The following NMRK2 variants were observed in gnomAD, a reference collection of about 807,000 sequenced individuals.
NMRK2 encodes nicotinamide riboside kinase 2, also known as NRK 2.
Under a neutral mutation model 24.7 loss-of-function variants are expected in NMRK2, and 34 were observed. The observed-to-expected ratio is 1.37, with a 90% CI of 1.05 to 1.83. The LOEUF is 1.83. NMRK2 is among the 40% of genes most tolerant of loss of function. The pLI is 0.00. For synonymous variants in NMRK2, 145 were observed against 125.6 expected (o/e 1.15, Z -1.03); for missense variants, 341 against 315.0 (o/e 1.08, Z -0.62).
At position 3,933,620 on chromosome 19, in the gene NMRK2, C is replaced by T. The variant is rs1599157076; in HGVS notation, c.-52C>T. 2.6e-6 allele frequency: 4 copies of T among 1,516,002 alleles called. No homozygotes were observed. The highest frequency in any genetic ancestry group is 2.7e-5 in the East Asian group (1 of 36,894). 93.9% of individuals were successfully genotyped at this position (1,516,002 alleles called of 1,614,324 possible). On this transcript the variant is annotated 5_prime_UTR_variant, in exon 2 of 8. Coordinates refer to ENST00000168977, the MANE Select transcript of NMRK2 (RefSeq NM_170678.3). Reference sequence around the variant, plus strand: ...CACTCCGGAGCGCACTGCGTGGTCGCACCCTACCCGGGCTGCCTTGGAAGT... The same window carrying T: ...CACTCCGGAGCGCACTGCGTGGTCGTACCCTACCCGGGCTGCCTTGGAAGT...
Position 3,937,277 on chromosome 19 carries a change from A to G in NMRK2, c.155A>G (p.Lys52Arg). Residue 52 changes from lysine (K) to arginine (R), a missense_variant, in exon 4 of 8, where the codon AAA (lysine) becomes AGA (arginine). Transcript: ENST00000168977. The part of the protein sequence containing the change: ...DQIAVGEDGF[K>R]QWDVLESLDM... ...ATAGCAGTTGGGGAAGACGGCTTCA[A>G]ACAGTGGGACGGTAAGGACAAGCAT... 1.2e-6 allele frequency: 2 copies of G among 1,613,162 alleles called. No individual in the cohort carries two copies. The highest frequency in any genetic ancestry group is 8.5e-7 in the Non-Finnish European group (1 of 1,179,502).
chr19:3,939,038 G>A (rs1193770915), intron 5 of NMRK2, among the ~76,000 whole-genome samples: 3 of 151,540 alleles, frequency 2.0e-5, no homozygotes, highest in South Asian at 2.1e-4. Flanking sequence ...AGTAGAGACT[G>A]GGTTTCACCC....
chr19:3,935,860 C>T (rs1263969288), intron 2 of NMRK2, among the ~76,000 whole-genome samples: 1 of 151,972 alleles, frequency 6.6e-6, no homozygotes, highest in East Asian at 2.0e-4. Flanking sequence ...CATGAGCCAC[C>T]GTGCATGGCC....
rs759333229 is a variant in NMRK2, at chr19:3,942,068, C to T, written c.503-15C>T. 9.3e-6 allele frequency: 15 copies of T among 1,609,770 alleles called. No homozygotes were observed. The highest frequency in any genetic ancestry group is 3.3e-5 in the Admixed American group (2 of 59,910). ...CTTCCTCCCGGCAGCCCTGACGCAGCCTTTCTGATTTCAGTCTACCTGGAC... is the reference window on the plus strand; with the variant it reads ...CTTCCTCCCGGCAGCCCTGACGCAGTCTTTCTGATTTCAGTCTACCTGGAC... On this transcript the variant is annotated splice_polypyrimidine_tract_variant and intron_variant, in intron 7 of 7. Transcript: ENST00000168977.
At chr19:3,936,502 C>G in intron 2 of NMRK2, 73 bp from the exon 3 acceptor site, 3 of 1,102,798 alleles carry the variant, frequency 2.7e-6, no homozygotes, top group Non-Finnish European at 3.8e-6. Context: ...GGCTGCACCT[C>G]AGGCCCCCTT....
At chr19:3,939,050 A>G (rs1217330429) in intron 5 of NMRK2, among the ~76,000 whole-genome samples, 3 of 150,876 alleles carry the variant, frequency 2.0e-5, no homozygotes, top group East Asian at 4.0e-4. Context: ...GTTTCACCCT[A>G]TTGGACCAGG....
chr19:3,935,251 CTT>C (rs900517564), intron 2 of NMRK2, among the ~76,000 whole-genome samples: 262 of 105,612 alleles, frequency 2.5e-3, no homozygotes, highest in African/African-American at 8.2e-3. Context: ...TTCCGTCAGT[CTT>C]TTTTTTTTTT....
At chr19:3,938,822 GTTTTTT>G (rs1178177619) in intron 5 of NMRK2, 63 bp downstream of exon 5, 57 of 183,748 alleles carry the variant, frequency 3.1e-4, no homozygotes, top group Non-Finnish European at 3.2e-4. Context: ...GCCATCTCTT[GTTTTTT>G]TTTTTTTTTT....
rs762483675 is a variant in NMRK2 at position 3,942,167 on chromosome 19, A to G, written c.587A>G (p.Gln196Arg). ...DIQNSLLNRS[Q>R]ESAPSPARPA... ...CAGAACTCGCTGCTGAACCGCTCCC[A>G]GGAATCAGCCCCCTCCCCGGCTCGC... Residue 196 changes from glutamine (Q) to arginine (R), a missense_variant, in exon 8 of 8, where the codon CAG becomes CGG. Physicochemically the swap from Gln to Arg is conservative, Grantham distance 43 (BLOSUM62 1). Coordinates refer to ENST00000168977, the MANE Select transcript of NMRK2 (RefSeq NM_170678.3). 3 of 1,613,338 alleles carry G rather than the reference A, an allele frequency of 1.9e-6. No individual in the cohort carries two copies. The highest frequency in any genetic ancestry group is 4.5e-5 in the East Asian group (2 of 44,874).
intron 4 of NMRK2, among the ~76,000 whole-genome samples, chr19:3,938,202 G>T: frequency 8.7e-6 from 1 of 114,430 alleles, no homozygotes; most frequent in Non-Finnish European, 1.8e-5. Flanking sequence ...TTCCCCCAGG[G>T]TCCGCCCTCC....
intron 3 of NMRK2, 111 bp from the exon 4 acceptor site, chr19:3,937,129 C>A (rs1246149223): frequency 2.0e-6 from 2 of 1,017,632 alleles, no homozygotes; most frequent in Non-Finnish European, 3.0e-6. Context: ...AGCCCCCACG[C>A]CTCAGGGACC....
chr19:3,936,525 A>G, intron 2 of NMRK2, 50 bp from the exon 3 acceptor site: 1 of 1,414,704 alleles, frequency 7.1e-7, no homozygotes, highest in Non-Finnish European at 9.5e-7. Context: ...GAGCACCCTG[A>G]CCTTCTTGGG....
intron 3 of NMRK2, 59 bp from the exon 4 acceptor site, chr19:3,937,181 A>G (rs777894904): frequency 6.3e-7 from 1 of 1,579,356 alleles, no homozygotes; most frequent in South Asian, 1.1e-5. Flanking sequence ...TCCATCACCC[A>G]GGCCGGGGGT....
intron 7 of NMRK2, 21 bp from the exon 8 acceptor site, chr19:3,942,062 A>G: frequency 6.2e-7 from 1 of 1,608,154 alleles, no homozygotes; most frequent in Non-Finnish European, 8.5e-7. Context: ...GGCAGCCCTG[A>G]CGCAGCCTTT....
chr19:3,941,120 G>A lies in NMRK2; in HGVS notation c.445G>A (p.Val149Met), dbSNP rs199941317. 1.5e-5 allele frequency: 24 copies of A among 1,612,720 alleles called. No individual in the cohort carries two copies. The East Asian group carries it at 2.5e-4, about 16-fold the overall frequency. ...PDPPGLFDGH[V>M]WPMYQKYRQE... ...TCCCCCCGGCCTCTTCGATGGCCACGTGTGGCCCATGTACCAGAAGTATAG... is the reference window on the plus strand; with the variant it reads ...TCCCCCCGGCCTCTTCGATGGCCACATGTGGCCCATGTACCAGAAGTATAG... The change falls in exon 7 of 8, where the codon GTG becomes ATG. Residue 149 changes from valine to methionine, a missense_variant. Physicochemically the swap from Val to Met is conservative, Grantham distance 21 (BLOSUM62 1). Transcript: ENST00000168977.
At position 3,937,224 on chromosome 19, in the gene NMRK2, G is replaced by A. The variant is rs530836142; in HGVS notation, c.118-16G>A. 1 of 1,612,926 alleles carries A rather than the reference G, an allele frequency of 6.2e-7. No individual in the cohort carries two copies. The highest frequency in any genetic ancestry group is 2.2e-5 in the East Asian group (1 of 44,876). On this transcript the variant is annotated splice_polypyrimidine_tract_variant and intron_variant, in intron 3 of 7. Transcript: ENST00000168977. ...GACCGGGCACTGAGCCCGAGGTTCA[G>A]GCTCCTCTGTTTCAGCCCCAAGACC... is the stretch of plus-strand genomic sequence containing the variant.
chr19:3,937,295 A>T lies in NMRK2; in HGVS notation c.166+7A>T. On this transcript the variant is annotated splice_region_variant and intron_variant, in intron 4 of 7. Transcript: ENST00000168977. ...GGCTTCAAACAGTGGGACGGTAAGG[A>T]CAAGCATCACCTCCAAGCCCCACTA... 6.2e-7 allele frequency: 1 copy of T among 1,612,740 alleles called. No homozygotes were observed. The highest frequency in any genetic ancestry group is 8.5e-7 in the Non-Finnish European group (1 of 1,179,192).
Position 3,933,571 on chromosome 19 carries a change from G to A in NMRK2, c.-101G>A. 2 of 1,420,336 alleles carry A rather than the reference G, an allele frequency of 1.4e-6. No individual in the cohort carries two copies. The highest frequency in any genetic ancestry group is 2.9e-5 in the East Asian group (1 of 34,342). 88.0% of individuals were successfully genotyped at this position (1,420,336 alleles called of 1,614,324 possible). A position where few individuals can be genotyped will look rare whatever the true frequency, so the allele number is the denominator to read the frequency against. On this transcript the variant is annotated 5_prime_UTR_variant, in exon 2 of 8. Transcript: ENST00000168977. ...GCTGCCGAGACCTATAAAGGCGCCA[G>A]GTTTTCTCAATGAAGCCGGGACGCA... is the stretch of plus-strand genomic sequence containing the variant.
intron 5 of NMRK2, among the ~76,000 whole-genome samples, 162 bp from the exon 6 acceptor site, chr19:3,939,738 T>C (rs1458587238): frequency 6.6e-6 from 1 of 152,056 alleles, no homozygotes; most frequent in African/African-American, 2.4e-5. Flanking sequence ...GCTGCAGGGA[T>C]GTTGGCCAAT....
Sources: allele counts gnomAD v4.1 joint callset (sites outside exome capture counted in the v4.1 genomes callset), GRCh38; gene constraint gnomAD v4.1.1; transcripts MANE v1.5; gene names NCBI Gene and HGNC (gene_info 2026-07-23, HGNC 2026-07-21).